SMC6: variants seen among roughly 807,000 people sequenced by gnomAD.
The protein encoded by SMC6 is structural maintenance of chromosomes 6.
A neutral mutation model predicts 142.2 loss-of-function variants in SMC6; 79 were observed. The observed-to-expected ratio is 0.56, with a 90% CI of 0.46 to 0.67. The LOEUF is 0.67. Ranked by LOEUF, SMC6 falls within the 30% of genes least tolerant of loss-of-function variation. The probability of loss-of-function intolerance (pLI) is 0.00; values close to 1 mark genes in which losing one functional copy is unlikely to be tolerated. For synonymous variants in SMC6, 411 were observed against 412.4 expected (o/e 1.00, Z 0.04); for missense variants, 1,072 against 1,284.0 (o/e 0.83, Z 2.52).
At chr2:17,692,853 T>G (rs1667797529) in intron 23 of SMC6, among the ~76,000 whole-genome samples, 1 of 151,976 alleles carries the variant, frequency 6.6e-6, no homozygotes, top group African/African-American at 2.4e-5. Flanking sequence ...TCAAACAAAT[T>G]TACAAGAAAA....
At chr2:17,679,025 C>CA (rs1164883104) in intron 24 of SMC6, 61 bp from the exon 25 acceptor site, 2 of 1,135,930 alleles carry the variant, frequency 1.8e-6, no homozygotes, top group Non-Finnish European at 2.6e-6. Flanking sequence ...AAACTATATT[C>CA]AGCATGATCT....
Position 17,753,770 on chromosome 2 carries a change from G to A in SMC6, c.-237C>T, listed in dbSNP as rs1671232653. On this transcript the variant is annotated 5_prime_UTR_variant, in exon 1 of 28. Coordinates refer to ENST00000448223, the MANE Select transcript of SMC6 (RefSeq NM_001142286.2). ...AACCGCGTGCCGGCCGCAGGAGAAG[G>A]TAGATTCCCGGGAGCCCCGGCGCCC... 6.6e-6 allele frequency: 1 copy of A among 152,266 alleles called. No homozygotes were observed. The highest frequency in any genetic ancestry group is 6.5e-5 in the Admixed American group (1 of 15,290). The allele number at this position is 152,266 out of a possible 1,614,324, so 9.4% of individuals were successfully genotyped here. A position where few individuals can be genotyped will look rare whatever the true frequency, so the allele number is the denominator to read the frequency against.
chr2:17,666,460 G>C lies in SMC6; in HGVS notation c.3121C>G (p.Arg1041Gly). Residue 1041 changes from arginine (R) to glycine (G), a missense_variant, in exon 27 of 28, where the codon CGT becomes GGT. This residue lies in a region of SMC6 where 76 missense variants were observed against 112.3 expected (regional missense o/e 0.68). Coordinates refer to ENST00000448223, the MANE Select transcript of SMC6 (RefSeq NM_001142286.2). ...GTGAGCAAGATAAACTGTCTAAAACGCTGGGAATCTGCCATCTTCAGTATC... is the reference window on the plus strand; with the variant it reads ...GTGAGCAAGATAAACTGTCTAAAACCCTGGGAATCTGCCATCTTCAGTATC... Reference protein sequence around the residue: ...DLILKMADSQRFRQFILLTPQ... With the variant: ...DLILKMADSQGFRQFILLTPQ... 1 of 1,613,806 alleles carries C rather than the reference G, an allele frequency of 6.2e-7. No individual in the cohort carries two copies. Among genetic ancestry groups the C allele is most frequent in the Non-Finnish European group, 8.5e-7 (1 of 1,179,896 alleles).
intron 5 of SMC6, among the ~76,000 whole-genome samples, chr2:17,734,260 G>A (rs956007248): frequency 3.0e-4 from 45 of 152,308 alleles, no homozygotes; most frequent in African/African-American, 1.1e-3. Flanking sequence ...CCTCTCTGCA[G>A]TTTCATGAAT....
intron 23 of SMC6, among the ~76,000 whole-genome samples, chr2:17,686,189 A>C (rs1667447042): frequency 6.6e-6 from 1 of 152,126 alleles, no homozygotes; most frequent in African/African-American, 2.4e-5. Flanking sequence ...AAAAATTTGA[A>C]ATTTGGCCAG....
At chr2:17,674,262 T>G (rs559874834) in intron 25 of SMC6, among the ~76,000 whole-genome samples, 2 of 152,370 alleles carry the variant, frequency 1.3e-5, no homozygotes, top group Non-Finnish European at 2.9e-5. Context: ...TTTTTATTGT[T>G]GTTTGATTCA....
chr2:17,708,781 A>G, intron 16 of SMC6, 28 bp from the exon 17 acceptor site: 3 of 1,213,694 alleles, frequency 2.5e-6, no homozygotes, highest in Non-Finnish European at 3.3e-6. Context: ...AGAAGGATTA[A>G]CTTAGCAAAT....
intron 11 of SMC6, among the ~76,000 whole-genome samples, chr2:17,719,184 G>A (rs908177640): frequency 6.6e-6 from 1 of 152,048 alleles, no homozygotes; most frequent in African/African-American, 2.4e-5. Flanking sequence ...AGCACCCAAG[G>A]ACAATGAGTA....
rs1295848603 is a variant in SMC6 at position 17,723,012 on chromosome 2, AAGAAAAGAAAG to A, written c.727-1762_727-1752del. Among the ~76,000 whole-genome samples the A allele has an allele frequency of 2.6e-5, 4 of 151,306 alleles. No homozygotes were observed. The South Asian group carries it at 8.3e-4, about 32-fold the overall frequency. ...ATTCAGCTTTCTTAAAAAAAAAAAA[AAGAAAAGAAAG>A]GAAAAAAAAAGAAAAACTGGCTTTT... is the stretch of plus-strand genomic sequence containing the variant. On this transcript the variant is annotated intron_variant, in intron 9 of 27. Transcript: ENST00000448223.
At chr2:17,714,082 T>C (rs1668958797) in intron 16 of SMC6, among the ~76,000 whole-genome samples, 1 of 121,678 alleles carries the variant, frequency 8.2e-6, no homozygotes, top group South Asian at 2.2e-4. Flanking sequence ...ATTCATTTTT[T>C]GTTTTTTTTG....
chr2:17,712,342 G>A (rs1668867629), intron 16 of SMC6, among the ~76,000 whole-genome samples: 1 of 152,172 alleles, frequency 6.6e-6, no homozygotes, highest in South Asian at 2.1e-4. Context: ...TAAGGCTCAG[G>A]AGAGGGCTGA....
intron 2 of SMC6, among the ~76,000 whole-genome samples, chr2:17,751,706 A>T (rs1671049265): frequency 6.6e-6 from 1 of 152,226 alleles, no homozygotes; most frequent in African/African-American, 2.4e-5. Flanking sequence ...TGCTAACATT[A>T]ACCTAAGCAA....
At chr2:17,749,456 A>C (rs1228131098) in intron 2 of SMC6, among the ~76,000 whole-genome samples, 1 of 152,180 alleles carries the variant, frequency 6.6e-6, no homozygotes, top group Non-Finnish European at 1.5e-5. Flanking sequence ...TTGGGAGGCC[A>C]AGGCAGGCGG....
At chr2:17,721,622 T>C (rs1669377859) in intron 9 of SMC6, among the ~76,000 whole-genome samples, 1 of 152,160 alleles carries the variant, frequency 6.6e-6, no homozygotes. Flanking sequence ...TCAATAGGCA[T>C]TCCAAAGAGA....
Position 17,677,393 on chromosome 2 carries a change from T to C in SMC6, c.2910+1466A>G, listed in dbSNP as rs566632919. 2.6e-5 allele frequency among the ~76,000 whole-genome samples: 4 copies of C among 152,294 alleles called. No homozygotes were observed. The South Asian group carries it at 8.3e-4, about 32-fold the overall frequency. Reference sequence around the variant, plus strand: ...CATCAGAACTCAGGAATTGACTAACTGAAATATTAGTTAGGTGCCTAGCAG... The same window carrying C: ...CATCAGAACTCAGGAATTGACTAACCGAAATATTAGTTAGGTGCCTAGCAG... On this transcript the variant is annotated intron_variant, in intron 25 of 27. Transcript: ENST00000448223.
At chr2:17,719,492 A>C (rs1008452848) in intron 11 of SMC6, among the ~76,000 whole-genome samples, 5 of 152,168 alleles carry the variant, frequency 3.3e-5, no homozygotes, top group African/African-American at 4.8e-5. Flanking sequence ...ACGGAGAAAA[A>C]GGCCTACAAA....
chr2:17,696,660 A>G (rs887250981), intron 21 of SMC6, among the ~76,000 whole-genome samples: 4 of 152,192 alleles, frequency 2.6e-5, no homozygotes, highest in Non-Finnish European at 5.9e-5. Flanking sequence ...TTTTATTCTA[A>G]TAAACTAGGT....
chr2:17,720,788 A>C, intron 11 of SMC6, 152 bp downstream of exon 11: 1 of 660,422 alleles, frequency 1.5e-6, no homozygotes, highest in Non-Finnish European at 2.5e-6. Context: ...AGGCCTTGAA[A>C]ACAAGCTTAG....
intron 16 of SMC6, among the ~76,000 whole-genome samples, chr2:17,710,756 C>T (rs955100732): frequency 6.6e-6 from 1 of 152,010 alleles, no homozygotes; most frequent in Non-Finnish European, 1.5e-5. Context: ...CTTGCTGATG[C>T]CTTGATAAGA....
Sources: gnomAD v4.1 joint callset for allele counts (sites outside exome capture counted in the v4.1 genomes callset) on GRCh38, gnomAD v4.1.1 for gene constraint, gnomAD v4.1.1 regional missense constraint, MANE v1.5 for transcripts, NCBI Gene and HGNC (gene_info 2026-07-23, HGNC 2026-07-21) for gene names.